The following SPATS2L variants were observed in gnomAD, a reference collection of about 807,000 sequenced individuals.
SPATS2L encodes the protein spermatogenesis associated serine rich 2 like.
A neutral mutation model predicts 59.6 loss-of-function variants in SPATS2L; 30 were observed. That is an observed-to-expected ratio of 0.50 (90% CI 0.38 to 0.68). The LOEUF is 0.68. SPATS2L is among the 30% of genes least tolerant of loss of function. The pLI is 0.00. For missense variants in SPATS2L, 615 were observed against 700.0 expected, an observed-to-expected ratio of 0.88 and a Z score of 1.37; for synonymous variants, 252 against 263.5, an observed-to-expected ratio of 0.96 and a Z score of 0.42.
At chr2:200,309,089 A>G (rs994244643) in intron 1 of SPATS2L, 1 of 717,980 alleles carries the variant, frequency 1.4e-6, no homozygotes, top group Admixed American at 2.0e-5. Flanking sequence ...CCGTTTTGCC[A>G]TGTAAGTGGT....
At chr2:200,385,491 C>G (rs1406292955) in intron 2 of SPATS2L, among the ~76,000 whole-genome samples, 1 of 152,062 alleles carries the variant, frequency 6.6e-6, no homozygotes, top group African/African-American at 2.4e-5. Flanking sequence ...AGGGTCAGCT[C>G]AGGAAAGGTA....
intron 10 of SPATS2L, 174 bp from the exon 11 acceptor site, chr2:200,469,740 C>G: frequency 1.8e-6 from 1 of 546,970 alleles, no homozygotes; most frequent in South Asian, 2.7e-5. Context: ...TGCTCATTCC[C>G]TAGCCAGGTC....
chr2:200,422,190 T>C (rs2083332921), intron 6 of SPATS2L, among the ~76,000 whole-genome samples: 1 of 152,240 alleles, frequency 6.6e-6, no homozygotes, highest in East Asian at 1.9e-4. Flanking sequence ...GTTGGTATTA[T>C]TTGTTAATGT....
intron 1 of SPATS2L, among the ~76,000 whole-genome samples, chr2:200,314,417 A>G (rs1445982804): frequency 6.6e-6 from 1 of 152,152 alleles, no homozygotes; most frequent in Non-Finnish European, 1.5e-5. Flanking sequence ...GTAGCCTCGC[A>G]ACTGGTCTCT....
chr2:200,467,651 A>G (rs1430566226), intron 10 of SPATS2L, among the ~76,000 whole-genome samples: 1 of 152,222 alleles, frequency 6.6e-6, no homozygotes, highest in East Asian at 1.9e-4. Flanking sequence ...TAGAGACTGA[A>G]CCAAATAAAG....
intron 1 of SPATS2L, among the ~76,000 whole-genome samples, chr2:200,328,752 T>C (rs1414856802): frequency 6.6e-6 from 1 of 152,000 alleles, no homozygotes; most frequent in Admixed American, 6.6e-5. Flanking sequence ...GGTGACCGAG[T>C]GAGTGATTGA....
chr2:200,354,501 A>G (rs984699317), intron 2 of SPATS2L, among the ~76,000 whole-genome samples: 1 of 152,080 alleles, frequency 6.6e-6, no homozygotes, highest in Non-Finnish European at 1.5e-5. Context: ...CCAGCTACTC[A>G]GGAGGCTGAG....
At chr2:200,306,566 G>A (rs545290972), upstream of SPATS2L, 45 of 1,002,168 alleles carry the variant, frequency 4.5e-5, no homozygotes, top group Admixed American at 1.8e-4. Flanking sequence ...GTTTGCGAGC[G>A]GGAGCGAGGG....
intron 4 of SPATS2L, among the ~76,000 whole-genome samples, chr2:200,415,835 A>C (rs2083034953): frequency 1.3e-5 from 2 of 152,256 alleles, no homozygotes; most frequent in Middle Eastern, 3.4e-3. Flanking sequence ...AGCCTTGTAG[A>C]CCACATCCCA....
At chr2:200,391,876 C>A (rs1337716376) in intron 3 of SPATS2L, among the ~76,000 whole-genome samples, 2 of 152,158 alleles carry the variant, frequency 1.3e-5, no homozygotes, top group African/African-American at 2.4e-5. Flanking sequence ...CACAGAAGGA[C>A]TAATGTGTTA....
chr2:200,378,555 C>T (rs1338417481), intron 2 of SPATS2L, among the ~76,000 whole-genome samples: 1 of 152,140 alleles, frequency 6.6e-6, no homozygotes, highest in Non-Finnish European at 1.5e-5. Context: ...TTTTGTTCCG[C>T]CAGTGCCAGT....
At chr2:200,350,288 G>A (rs1022719573) in intron 2 of SPATS2L, among the ~76,000 whole-genome samples, 2 of 151,924 alleles carry the variant, frequency 1.3e-5, no homozygotes, top group African/African-American at 4.8e-5. Flanking sequence ...TCTTTTGTCT[G>A]CTTTCCTTCT....
chr2:200,481,485 T>C lies in SPATS2L; in HGVS notation c.*3454T>C, dbSNP rs1273142564. On this transcript the variant is annotated 3_prime_UTR_variant, in exon 13 of 13. Coordinates refer to ENST00000409140, the MANE Select transcript of SPATS2L (RefSeq NM_001100423.2). Reference sequence around the variant, plus strand: ...CTCCCCACCCCGACGCAGGCACAGGTCCGCAACCAGATAGGGAGATGCCTG... The same window carrying C: ...CTCCCCACCCCGACGCAGGCACAGGCCCGCAACCAGATAGGGAGATGCCTG... The C allele has an allele frequency of 6.6e-6, 1 of 152,228 alleles. No individual in the cohort carries two copies. 9.4% of individuals were successfully genotyped at this position (152,228 alleles called of 1,614,324 possible).
intron 9 of SPATS2L, among the ~76,000 whole-genome samples, chr2:200,461,671 GC>G (rs1322872693): frequency 6.6e-6 from 1 of 152,144 alleles, no homozygotes; most frequent in East Asian, 1.9e-4. Context: ...GGCAGTCTGT[GC>G]CCCTAACCAG....
At chr2:200,351,868 G>T (rs1338976172) in intron 2 of SPATS2L, among the ~76,000 whole-genome samples, 2 of 152,114 alleles carry the variant, frequency 1.3e-5, no homozygotes, top group African/African-American at 4.8e-5. Context: ...GAGGGTGGAA[G>T]CCCCCTGTGC....
At chr2:200,382,220 A>G (rs1184929256) in intron 2 of SPATS2L, among the ~76,000 whole-genome samples, 1 of 151,982 alleles carries the variant, frequency 6.6e-6, no homozygotes, top group East Asian at 1.9e-4. Flanking sequence ...GACTACAAAC[A>G]CACGCCATCA....
intron 1 of SPATS2L, among the ~76,000 whole-genome samples, chr2:200,311,739 C>T (rs1343478319): frequency 6.6e-6 from 1 of 152,148 alleles, no homozygotes; most frequent in African/African-American, 2.4e-5. Flanking sequence ...GGCACTGTTT[C>T]TGCTGGGAAG....
chr2:200,365,847 CA>C (rs1426788632), intron 2 of SPATS2L, among the ~76,000 whole-genome samples: 4 of 152,170 alleles, frequency 2.6e-5, no homozygotes, highest in Middle Eastern at 6.3e-3. Flanking sequence ...CTTGTCTGGT[CA>C]CCCTCACTAA....
At chr2:200,469,819 AGT>A in intron 10 of SPATS2L, 93 bp from the exon 11 acceptor site, 1 of 904,554 alleles carries the variant, frequency 1.1e-6, no homozygotes, top group Non-Finnish European at 1.7e-6. Flanking sequence ...TCAGCACTGC[AGT>A]GGACACCGGA....
Sources: gnomAD v4.1 joint callset for allele counts (sites outside exome capture counted in the v4.1 genomes callset) on GRCh38, gnomAD v4.1.1 for gene constraint, MANE v1.5 for transcripts, NCBI Gene and HGNC (gene_info 2026-07-23, HGNC 2026-07-21) for gene names.